Variants in USB1 observed in about 807,000 individuals in gnomAD.
USB1 encodes U6 snRNA phosphodiesterase 1.
USB1 carries 21 observed loss-of-function variants against 29.9 expected under a neutral mutation model. The observed-to-expected ratio is 0.70, with a 90% confidence interval of 0.50 to 1.01. The LOEUF (loss-of-function observed/expected upper bound fraction) is 1.01, where lower values mean the gene tolerates loss of function less well. Among genes scored for constraint, USB1 ranks in the 50% least tolerant of loss-of-function variants. USB1 has a pLI of 0.00. For missense variants in USB1, 330 were observed against 347.1 expected, an observed-to-expected ratio of 0.95 and a Z score of 0.39; for synonymous variants, 143 against 134.9, an observed-to-expected ratio of 1.06 and a Z score of -0.42.
chr16:58,020,343 A>G lies in USB1; in HGVS notation c.*98A>G. 2 of 1,206,748 alleles carry G rather than the reference A, an allele frequency of 1.7e-6. No homozygotes were observed. Among genetic ancestry groups the G allele is most frequent in the African/African-American group, 1.5e-5 (1 of 66,854 alleles). The allele number at this position is 1,206,748 out of a possible 1,614,324, so 74.8% of individuals were successfully genotyped here. ...GAGATGCTTCTAGCCTCCCAGTAGG[A>G]GGCCCCAGCCATGCCTTCAACCTGG... On this transcript the variant is annotated 3_prime_UTR_variant, in exon 7 of 7. Transcript: ENST00000219281.
intron 2 of USB1, among the ~76,000 whole-genome samples, chr16:58,009,339 C>T (rs1248816018): frequency 1.3e-5 from 2 of 152,194 alleles, no homozygotes; most frequent in Non-Finnish European, 2.9e-5. Flanking sequence ...TGGTATTTCA[C>T]TTCCCCTAGG....
At chr16:58,003,742 TAATA>T (rs1328650375) in intron 2 of USB1, among the ~76,000 whole-genome samples, 17 of 152,342 alleles carry the variant, frequency 1.1e-4, no homozygotes, top group African/African-American at 3.8e-4. Context: ...TTTTGTTTAT[TAATA>T]AATTTTAATC....
At chr16:58,001,677 C>T in intron 1 of USB1, 96 bp downstream of exon 1, 13 of 1,362,168 alleles carry the variant, frequency 9.5e-6, no homozygotes, top group Non-Finnish European at 1.3e-5. Context: ...AGGGAGGATG[C>T]GGGGCGGCTC....
chr16:58,008,758 C>G (rs1395592749), intron 2 of USB1, among the ~76,000 whole-genome samples: 1 of 152,140 alleles, frequency 6.6e-6, no homozygotes, highest in South Asian at 2.1e-4. Flanking sequence ...CGGCCTAGAT[C>G]TTCTTTTCTA....
At chr16:58,019,149 A>G in intron 6 of USB1, 94 bp downstream of exon 6, 1 of 1,278,460 alleles carries the variant, frequency 7.8e-7, no homozygotes, top group Non-Finnish European at 1.1e-6. Context: ...CCAAACCTGA[A>G]TCCCTGGGAA....
chr16:58,012,813 C>T (rs1963528782), intron 3 of USB1: 1 of 995,702 alleles, frequency 1.0e-6, no homozygotes, highest in African/African-American at 1.7e-5. Flanking sequence ...TGCACCCCTC[C>T]AGGGAAGCCA....
intron 2 of USB1, among the ~76,000 whole-genome samples, chr16:58,005,934 T>C (rs899023369): frequency 1.3e-5 from 2 of 152,232 alleles, no homozygotes; most frequent in Non-Finnish European, 2.9e-5. Flanking sequence ...GGAAAGCAAA[T>C]ATACAGAAGT....
At chr16:58,010,618 G>T in intron 3 of USB1, 1 of 259,464 alleles carries the variant, frequency 3.9e-6, no homozygotes, top group South Asian at 5.2e-5. Flanking sequence ...AGGTTCTGTG[G>T]ACCCTCTCCT....
At chr16:58,007,915 G>A (rs1404083308) in intron 2 of USB1, among the ~76,000 whole-genome samples, 2 of 152,026 alleles carry the variant, frequency 1.3e-5, no homozygotes, top group East Asian at 1.9e-4. Flanking sequence ...CCTGGGAGGC[G>A]GAGATTGCAG....
At chr16:58,004,359 T>C (rs1346745794) in intron 2 of USB1, among the ~76,000 whole-genome samples, 1 of 152,228 alleles carries the variant, frequency 6.6e-6, no homozygotes, top group Non-Finnish European at 1.5e-5. Flanking sequence ...CTTTACATAG[T>C]TAAGTCTCGA....
rs1375426079 is a variant in USB1 at position 58,020,572 on chromosome 16, C to CT, written c.*328dup. On this transcript the variant is annotated 3_prime_UTR_variant, in exon 7 of 7. Transcript: ENST00000219281. ...GTCTCTCCTCCCCTCCTCTCTTCCT[C>CT]TCCTCTCTCTTCCTCTCCTCTCTCT... 12 of 250,318 alleles carry CT rather than the reference C, an allele frequency of 4.8e-5. No individual in the cohort carries two copies. The highest frequency in any genetic ancestry group is 7.2e-5 in the Non-Finnish European group (10 of 138,180). The allele number at this position is 250,318 out of a possible 1,614,324, so 15.5% of individuals were successfully genotyped here. A position where few individuals can be genotyped will look rare whatever the true frequency, so the allele number is the denominator to read the frequency against.
rs755250981 is a variant in USB1 at position 58,002,529 on chromosome 16, T to C, written c.149T>C (p.Leu50Pro). ...AGATTTCCAGTACCTGACAGTGTGCTGAACATGTTCCCGGGCACCGAGGAG... is the reference window on the plus strand; with the variant it reads ...AGATTTCCAGTACCTGACAGTGTGCCGAACATGTTCCCGGGCACCGAGGAG... ...RQRFPVPDSV[L>P]NMFPGTEEGP... The change falls in exon 2 of 7, where the codon CTG (leucine) becomes CCG (proline). Residue 50 changes from leucine (L) to proline (P), a missense_variant. Leu to Pro is a moderately conservative substitution (Grantham distance 98, BLOSUM62 -3). Transcript: ENST00000219281. The C allele has an allele frequency of 1.2e-6, 2 of 1,614,148 alleles. No homozygotes were observed. The highest frequency in any genetic ancestry group is 2.2e-5 in the South Asian group (2 of 91,088).
chr16:58,000,981 C>T (rs1963170487), upstream of USB1, among the ~76,000 whole-genome samples: 1 of 152,130 alleles, frequency 6.6e-6, no homozygotes, highest in Non-Finnish European at 1.5e-5. The surrounding 1 kb of genome is among the most constrained non-coding windows in gnomAD (Gnocchi z 4.5). Flanking sequence ...CTCCTAGAGG[C>T]TCTGGTCTGC....
intron 3 of USB1, chr16:58,010,947 A>G (rs1963478235): frequency 4.3e-6 from 3 of 699,488 alleles, no homozygotes; most frequent in Admixed American, 2.0e-5. Context: ...CTTCCCTCCC[A>G]TACCGGGAGG....
intron 3 of USB1, chr16:58,011,135 C>T (rs1164092249): frequency 7.5e-7 from 1 of 1,330,810 alleles, no homozygotes; most frequent in African/African-American, 1.5e-5. Flanking sequence ...GATAATAGAA[C>T]AAAAGATGCT....
At position 58,004,851 on chromosome 16, in the gene USB1, TG is replaced by T. The variant is rs200478161; in HGVS notation, c.265+2209del. On this transcript the variant is annotated intron_variant, in intron 2 of 6. Coordinates refer to ENST00000219281, the MANE Select transcript of USB1 (RefSeq NM_024598.4). ...ACAAAGAGATAAGAGAAAAGACAGCTGGGCCCGGGGGACCACTACTACCAAG... is the reference window on the plus strand; with the variant it reads ...ACAAAGAGATAAGAGAAAAGACAGCTGGCCCGGGGGACCACTACTACCAAG... Among the ~76,000 whole-genome samples, 155 of 152,278 alleles carry T rather than the reference TG, an allele frequency of 1.0e-3. 2 individuals are homozygous for T. In the East Asian group the frequency reaches 0.027, roughly 27 times the overall value.
Position 58,017,404 on chromosome 16 carries a change from G to A in USB1, c.574G>A (p.Val192Ile). ...GGACCTGGTTTCAGAGGTGGACAGA[G>A]TCATGGAGGAATTCAACCTCACCAC... ...FLDLVSEVDR[V>I]MEEFNLTTFY... Residue 192 changes from valine (V) to isoleucine (I), a missense_variant, in exon 5 of 7, where the codon GTC becomes ATC. By Grantham distance (29) the Val-to-Ile change is conservative. Transcript: ENST00000219281. The A allele has an allele frequency of 6.2e-7, 1 of 1,614,228 alleles. No homozygotes were observed. Among genetic ancestry groups the A allele is most frequent in the Non-Finnish European group, 8.5e-7 (1 of 1,180,030 alleles).
Position 58,013,249 on chromosome 16 carries a change from TC to T in USB1, c.450-1022del. On this transcript the variant is annotated intron_variant, in intron 3 of 6. Transcript: ENST00000219281. This position sits in a 1 kb window ranked among gnomAD's most constrained non-coding sequence, Gnocchi z 4.3. ...AAGGAGTTTTGGTTGGGCACAGACA[TC>T]CAGTGTCCACTCCAGGATGTTTGGG... 1 of 985,418 alleles carries T rather than the reference TC, an allele frequency of 1.0e-6. No individual in the cohort carries two copies. Among genetic ancestry groups the T allele is most frequent in the Non-Finnish European group, 1.2e-6 (1 of 829,960 alleles). 61.0% of individuals were successfully genotyped at this position (985,418 alleles called of 1,614,324 possible).
rs1963712556 is a variant in USB1, at chr16:58,020,491, T to C, written c.*246T>C. On this transcript the variant is annotated 3_prime_UTR_variant, in exon 7 of 7. Coordinates refer to ENST00000219281, the MANE Select transcript of USB1 (RefSeq NM_024598.4). ...CTCTGTCTCTCTTCCTCTCCTCTCTTCCTCTCTTCTCTCTTCCTCTCCTCT... is the reference window on the plus strand; with the variant it reads ...CTCTGTCTCTCTTCCTCTCCTCTCTCCCTCTCTTCTCTCTTCCTCTCCTCT... 1 of 543,760 alleles carries C rather than the reference T, an allele frequency of 1.8e-6. No individual in the cohort carries two copies. Among genetic ancestry groups the C allele is most frequent in the African/African-American group, 2.0e-5 (1 of 49,632 alleles). The allele number at this position is 543,760 out of a possible 1,614,324, so 33.7% of individuals were successfully genotyped here. A position where few individuals can be genotyped will look rare whatever the true frequency, so the allele number is the denominator to read the frequency against.
Sources: allele counts gnomAD v4.1 joint callset (sites outside exome capture counted in the v4.1 genomes callset), GRCh38; gene constraint gnomAD v4.1.1; non-coding constraint Gnocchi (gnomAD v3.1); transcripts MANE v1.5; gene names NCBI Gene and HGNC (gene_info 2026-07-23, HGNC 2026-07-21).